HSD17B4: variants seen among roughly 807,000 people sequenced by gnomAD.
HSD17B4 encodes the protein hydroxysteroid 17-beta dehydrogenase 4, also known as peroxisomal multifunctional enzyme type 2.
Under a neutral mutation model 101.0 loss-of-function variants are expected in HSD17B4, and 70 were observed. The observed-to-expected ratio is 0.69, with a 90% CI of 0.57 to 0.85. HSD17B4 has a LOEUF of 0.85. Ranked by LOEUF, HSD17B4 falls within the 40% of genes least tolerant of loss-of-function variation. The pLI is 0.00. For synonymous variants in HSD17B4, 347 were observed against 297.1 expected (o/e 1.17, Z -1.73); for missense variants, 984 against 892.4 (o/e 1.10, Z -1.31).
Position 119,507,040 on chromosome 5 carries a change from A to G in HSD17B4, c.1333+151A>G. 4 of 534,148 alleles carry G rather than the reference A, an allele frequency of 7.5e-6. No homozygotes were observed. In the South Asian group the frequency reaches 8.5e-5, roughly 11 times the overall value. The allele number at this position is 534,148 out of a possible 1,614,324, so 33.1% of individuals were successfully genotyped here. The stretch of plus-strand genomic sequence containing the variant: ...TAAGCATTTTTAAACTCTTTAAGAA[A>G]AATAAAGAAGGAGGGGGAGAAGCAT... On this transcript the variant is annotated intron_variant, in intron 15 of 23. Transcript: ENST00000510025.
At chr5:119,509,043 T>C (rs2126813632) in intron 15 of HSD17B4, 98 bp from the exon 16 acceptor site, 4 of 745,796 alleles carry the variant, frequency 5.4e-6, no homozygotes, top group South Asian at 1.5e-5. Flanking sequence ...TGGATTTTGT[T>C]TTTGAAACCT....
Position 119,489,273 on chromosome 5 carries a change from G to A in HSD17B4, c.704G>A (p.Gly235Asp). ...CACGAGAGTTGTGAGGAGAATGGTG[G>A]CTTGTTTGAGGTATTTGCACCTTCC... Reference protein sequence around the residue: ...LCHESCEENGGLFEVGAGWIG... With the variant: ...LCHESCEENGDLFEVGAGWIG... Residue 235 changes from glycine (G) to aspartate (D), a missense_variant, in exon 9 of 24, where the codon GGC becomes GAC. Coordinates refer to ENST00000510025, the MANE Select transcript of HSD17B4 (RefSeq NM_000414.4). 6.2e-7 allele frequency: 1 copy of A among 1,609,776 alleles called. No homozygotes were observed. The highest frequency in any genetic ancestry group is 8.5e-7 in the Non-Finnish European group (1 of 1,176,472).
intron 21 of HSD17B4, among the ~76,000 whole-genome samples, chr5:119,530,745 C>T (rs1753998163): frequency 7.0e-6 from 1 of 142,100 alleles, no homozygotes; most frequent in South Asian, 2.2e-4. Flanking sequence ...CCCAGCTACT[C>T]AAGAAGCTGA....
At chr5:119,460,909 A>G (rs78554616) in intron 2 of HSD17B4, among the ~76,000 whole-genome samples, 21,723 of 152,234 alleles carry the variant, frequency 0.14, 1,644 homozygotes, top group African/African-American at 0.16. Context: ...CCCTGGCAGA[A>G]GAAGCAGCTG....
At chr5:119,541,272 T>C (rs1280193232) in intron 23 of HSD17B4, among the ~76,000 whole-genome samples, 3 of 152,118 alleles carry the variant, frequency 2.0e-5, no homozygotes, top group Non-Finnish European at 4.4e-5. Flanking sequence ...ACTCTACACA[T>C]TACTTTATTT....
chr5:119,465,539 A>G (rs560972927), intron 2 of HSD17B4, among the ~76,000 whole-genome samples: 3 of 152,198 alleles, frequency 2.0e-5, no homozygotes, highest in Non-Finnish European at 2.9e-5. Flanking sequence ...CTGCCTGTAC[A>G]GCCCACAGAG....
chr5:119,509,060 G>C, intron 15 of HSD17B4, 81 bp from the exon 16 acceptor site: 1 of 803,024 alleles, frequency 1.2e-6, no homozygotes, highest in Admixed American at 1.8e-5. Context: ...ACCTTGACAG[G>C]AATTGTTGAA....
intron 20 of HSD17B4, among the ~76,000 whole-genome samples, chr5:119,529,453 C>G (rs1012302060): frequency 6.6e-6 from 1 of 152,114 alleles, no homozygotes; most frequent in Non-Finnish European, 1.5e-5. Flanking sequence ...ACTTTGAGTA[C>G]CATTACCTCA....
At chr5:119,508,822 T>A (rs1352604644) in intron 15 of HSD17B4, among the ~76,000 whole-genome samples, 1 of 152,186 alleles carries the variant, frequency 6.6e-6, no homozygotes, top group Non-Finnish European at 1.5e-5. Context: ...TCTAGTGGGA[T>A]TATTTGAAAT....
chr5:119,500,311 G>T (rs2459727), intron 13 of HSD17B4, among the ~76,000 whole-genome samples: 60,803 of 151,456 alleles, frequency 0.4, 12,338 homozygotes, highest in Admixed American at 0.44. Flanking sequence ...TATATATATA[G>T]AGAGAGAGAT....
intron 8 of HSD17B4, among the ~76,000 whole-genome samples, chr5:119,480,859 T>A (rs529079351): frequency 4.8e-4 from 73 of 152,322 alleles, no homozygotes; most frequent in African/African-American, 1.7e-3. Context: ...GGACGTTCCA[T>A]GCTGAGAAAA....
chr5:119,455,942 A>G (rs1173602046), intron 1 of HSD17B4, among the ~76,000 whole-genome samples: 1 of 152,104 alleles, frequency 6.6e-6, no homozygotes, highest in Non-Finnish European at 1.5e-5. Context: ...AATACCTAGG[A>G]ACTTTCAAGA....
At chr5:119,480,531 T>TA (rs759363310) in intron 8 of HSD17B4, among the ~76,000 whole-genome samples, 1 of 152,054 alleles carries the variant, frequency 6.6e-6, no homozygotes, top group Non-Finnish European at 1.5e-5. Context: ...ATCAAGTACT[T>TA]AACAGGGTAA....
chr5:119,474,206 T>G (rs1411776902), intron 3 of HSD17B4, among the ~76,000 whole-genome samples, 191 bp downstream of exon 3: 2 of 152,200 alleles, frequency 1.3e-5, no homozygotes, highest in Non-Finnish European at 2.9e-5. Flanking sequence ...ATTTCATGAT[T>G]CTAAGCTTTG....
rs1580495390 is a variant in HSD17B4, at chr5:119,456,665, T to G, written c.112+297T>G. 6 of 433,070 alleles carry G rather than the reference T, an allele frequency of 1.4e-5. No homozygotes were observed. The East Asian group carries it at 2.9e-4, about 21-fold the overall frequency. 26.8% of individuals were successfully genotyped at this position (433,070 alleles called of 1,614,324 possible). On this transcript the variant is annotated intron_variant, in intron 2 of 23. Transcript: ENST00000510025. ...AGGAGGCTGAGGTGGGAGGATCGCT[T>G]GAGACCAGGAGTTCGAGCCTGCAGA...
chr5:119,455,653 A>G (rs889493214), intron 1 of HSD17B4, among the ~76,000 whole-genome samples: 5 of 151,636 alleles, frequency 3.3e-5, no homozygotes, highest in African/African-American at 9.7e-5. Flanking sequence ...TCTGTATTTG[A>G]TGACTGTGTA....
intron 17 of HSD17B4, among the ~76,000 whole-genome samples, chr5:119,523,088 A>C (rs1026654534): frequency 6.6e-6 from 1 of 152,090 alleles, no homozygotes; most frequent in East Asian, 1.9e-4. Flanking sequence ...TCTTCTAGTT[A>C]CACTGTAGGC....
intron 2 of HSD17B4, among the ~76,000 whole-genome samples, chr5:119,459,724 C>G (rs1235068520): frequency 6.6e-6 from 1 of 152,094 alleles, no homozygotes. Context: ...GCTCTCGTCT[C>G]TTTTCCTCTT....
At chr5:119,481,972 GC>G (rs1749181335) in intron 8 of HSD17B4, among the ~76,000 whole-genome samples, 1 of 151,934 alleles carries the variant, frequency 6.6e-6, no homozygotes, top group Non-Finnish European at 1.5e-5. Flanking sequence ...TCTGCAGTTT[GC>G]GTATGATGTA....
Sources: gnomAD v4.1 joint callset for allele counts (sites outside exome capture counted in the v4.1 genomes callset) on GRCh38, gnomAD v4.1.1 for gene constraint, MANE v1.5 for transcripts, NCBI Gene and HGNC (gene_info 2026-07-23, HGNC 2026-07-21) for gene names.